SHROOM4: variants seen among roughly 807,000 people sequenced by gnomAD.
The protein encoded by SHROOM4 is protein Shroom4.
In SHROOM4, 17 loss-of-function variants were observed where a neutral mutation model predicts 80.3. That is an observed-to-expected ratio of 0.21 (90% CI 0.14 to 0.32). The LOEUF (loss-of-function observed/expected upper bound fraction) is 0.32. Ranked by LOEUF, SHROOM4 falls within the 10% of genes least tolerant of loss-of-function variation. SHROOM4 has a pLI of 1.00. For synonymous variants in SHROOM4, 400 were observed against 437.5 expected, an observed-to-expected ratio of 0.91 and a Z score of 1.07; for missense variants, 993 against 1,140.3, an observed-to-expected ratio of 0.87 and a Z score of 1.86.
At chrX:50,655,896 G>T (rs1277913632) in intron 2 of SHROOM4, among the ~76,000 whole-genome samples, 6 of 110,841 alleles carry the variant, frequency 5.4e-5, no homozygotes, top group African/African-American at 2.0e-4. Context: ...GTGTATAAGG[G>T]TTCCTTTTTC....
At chrX:50,751,512 C>T (rs1400886625) in intron 1 of SHROOM4, among the ~76,000 whole-genome samples, 1 of 111,533 alleles carries the variant, frequency 9.0e-6, no homozygotes, top group Non-Finnish European at 1.9e-5. Context: ...TCAGATATTT[C>T]GTCCTTTGTG....
chrX:50,598,594 T>C, intron 7 of SHROOM4, 59 bp from the exon 8 acceptor site: 2 of 1,133,677 alleles, frequency 1.8e-6, no homozygotes, highest in Non-Finnish European at 2.4e-6. Context: ...AGAAACTGAT[T>C]TGTGCCTGTA....
downstream of SHROOM4, among the ~76,000 whole-genome samples, chrX:50,584,402 G>T (rs185399101): frequency 8.9e-6 from 1 of 111,996 alleles, no homozygotes; most frequent in African/African-American, 3.2e-5. Context: ...ATTAGGCATA[G>T]ATGGGCATGC....
intron 1 of SHROOM4, among the ~76,000 whole-genome samples, chrX:50,753,315 C>T (rs1244610953): frequency 3.6e-5 from 4 of 112,130 alleles, no homozygotes; most frequent in Non-Finnish European, 5.6e-5. Context: ...TCTGAAGGAG[C>T]TTGAAGGACT....
intron 1 of SHROOM4, among the ~76,000 whole-genome samples, chrX:50,729,919 A>G (rs1934330170): frequency 8.9e-6 from 1 of 111,855 alleles, no homozygotes; most frequent in Admixed American, 9.5e-5. Context: ...TGAAGGCAAA[A>G]TAATGATGTT....
intron 2 of SHROOM4, among the ~76,000 whole-genome samples, chrX:50,638,574 C>G (rs1931460227): frequency 8.9e-6 from 1 of 112,040 alleles, no homozygotes; most frequent in Non-Finnish European, 1.9e-5. Flanking sequence ...AGTAGATGTT[C>G]AATAAATATT....
At chrX:50,722,492 T>C (rs1934138975) in intron 1 of SHROOM4, among the ~76,000 whole-genome samples, 1 of 110,978 alleles carries the variant, frequency 9.0e-6, no homozygotes, top group South Asian at 3.9e-4. Flanking sequence ...GACTCTCCCT[T>C]TAACCAAGGA....
intron 1 of SHROOM4, among the ~76,000 whole-genome samples, chrX:50,738,136 T>C (rs1441260036): frequency 9.0e-6 from 1 of 111,062 alleles, no homozygotes; most frequent in African/African-American, 3.3e-5. Context: ...CAGCCCTTCA[T>C]GCTAAAAATT....
downstream of SHROOM4, among the ~76,000 whole-genome samples, chrX:50,584,106 T>C (rs1928714484): frequency 8.9e-6 from 1 of 111,862 alleles, no homozygotes; most frequent in East Asian, 2.8e-4. Context: ...TGCAGATCTT[T>C]CATCTTCAGT....
At chrX:50,761,788 T>G (rs1337478232) in intron 1 of SHROOM4, among the ~76,000 whole-genome samples, 1 of 111,458 alleles carries the variant, frequency 9.0e-6, no homozygotes, top group East Asian at 2.8e-4. Flanking sequence ...CTCGAACTCC[T>G]GACCTCAGAT....
chrX:50,578,843 G>A, the SHROOM4 span, among the ~76,000 whole-genome samples: 1 of 111,846 alleles, frequency 8.9e-6, no homozygotes, highest in South Asian at 3.8e-4. Context: ...AATTTTGGAG[G>A]AGGTCTTCAA....
chrX:50,655,824 T>C (rs1413242250), intron 2 of SHROOM4, among the ~76,000 whole-genome samples: 1 of 110,204 alleles, frequency 9.1e-6, no homozygotes, highest in Non-Finnish European at 1.9e-5. Flanking sequence ...TATTTTTAGT[T>C]TTTTGAGAAG....
intron 1 of SHROOM4, among the ~76,000 whole-genome samples, chrX:50,756,976 G>A (rs901647033): frequency 1.8e-5 from 2 of 111,538 alleles, no homozygotes; most frequent in African/African-American, 6.5e-5. Context: ...AAGTGTGAAG[G>A]TTTTAAATTT....
intron 1 of SHROOM4, among the ~76,000 whole-genome samples, chrX:50,735,564 T>C (rs1445359288): frequency 2.7e-5 from 3 of 111,017 alleles, no homozygotes; most frequent in African/African-American, 9.8e-5. Context: ...TAAAACCATA[T>C]ATCTGATAAG....
At chrX:50,601,802 T>C (rs1252794432) in intron 7 of SHROOM4, among the ~76,000 whole-genome samples, 1 of 112,052 alleles carries the variant, frequency 8.9e-6, no homozygotes, top group Non-Finnish European at 1.9e-5. Context: ...CTTATTTTAC[T>C]TAGTCTCTTC....
intron 2 of SHROOM4, among the ~76,000 whole-genome samples, chrX:50,648,996 G>C (rs1557258304): frequency 9.0e-6 from 1 of 111,722 alleles, no homozygotes; most frequent in Non-Finnish European, 1.9e-5. Context: ...ATAGAGAAGT[G>C]AGTAAGCTAA....
At chrX:50,758,705 C>A (rs181234044) in intron 1 of SHROOM4, among the ~76,000 whole-genome samples, 1 of 111,550 alleles carries the variant, frequency 9.0e-6, no homozygotes, top group Admixed American at 9.5e-5. Context: ...ACGCTTATTT[C>A]CTCTATTTTC....
chrX:50,577,258 G>T, the SHROOM4 span, among the ~76,000 whole-genome samples: 1 of 112,634 alleles, frequency 8.9e-6, no homozygotes. Context: ...TTCCTTTGAA[G>T]TAAGACTCAA....
At chrX:50,686,417 A>C (rs1049841890) in intron 2 of SHROOM4, among the ~76,000 whole-genome samples, 1 of 111,220 alleles carries the variant, frequency 9.0e-6, no homozygotes, top group Non-Finnish European at 1.9e-5. Flanking sequence ...CTTAGGAAAA[A>C]GAAAAGAGCA....
Sources: allele counts gnomAD v4.1 joint callset (sites outside exome capture counted in the v4.1 genomes callset), GRCh38; gene constraint gnomAD v4.1.1; transcripts MANE v1.5; gene names NCBI Gene and HGNC (gene_info 2026-07-23, HGNC 2026-07-21).